Variants in OSBPL1A observed in about 807,000 individuals in gnomAD.
The protein encoded by OSBPL1A is oxysterol-binding protein-related protein 1.
A neutral mutation model predicts 137.1 loss-of-function variants in OSBPL1A; 80 were observed. That is an observed-to-expected ratio of 0.58 (90% confidence interval 0.49 to 0.70). OSBPL1A has a LOEUF of 0.70. OSBPL1A is among the 30% of genes least tolerant of loss of function. OSBPL1A has a pLI of 0.00. For synonymous variants in OSBPL1A, 365 were observed against 389.7 expected (o/e 0.94, Z 0.75); for missense variants, 970 against 1,129.4 (o/e 0.86, Z 2.02).
At chr18:24,310,854 G>A (rs1278114022) in intron 13 of OSBPL1A, among the ~76,000 whole-genome samples, 4 of 151,986 alleles carry the variant, frequency 2.6e-5, no homozygotes, top group Non-Finnish European at 5.9e-5. Flanking sequence ...ATTTAGCATC[G>A]TTTTATTTTT....
At chr18:24,215,842 T>G (rs2087681460) in intron 17 of OSBPL1A, among the ~76,000 whole-genome samples, 1 of 152,166 alleles carries the variant, frequency 6.6e-6, no homozygotes, top group South Asian at 2.1e-4. Flanking sequence ...ACTCAAAATC[T>G]TGTGTTCACG....
At chr18:24,178,343 G>C in intron 20 of OSBPL1A, 148 bp from the exon 21 acceptor site, 1 of 808,648 alleles carries the variant, frequency 1.2e-6, no homozygotes, top group Non-Finnish European at 1.8e-6. Context: ...GCTCAGGCTG[G>C]AGCAGTGGCG....
rs534707278 is a variant in OSBPL1A at position 24,245,848 on chromosome 18, G to T, written c.1282-6466C>A. ...CATCACTGCCTTTTCAAATGCAATT[G>T]ATTTCCCTATGCTCCTGAAACCTTT... is the stretch of plus-strand genomic sequence containing the variant. On this transcript the variant is annotated intron_variant, in intron 15 of 27. Transcript: ENST00000319481. Among the ~76,000 whole-genome samples the T allele has an allele frequency of 3.2e-4, 49 of 152,218 alleles. No individual in the cohort carries two copies. In the East Asian group the frequency reaches 7.7e-3, roughly 24 times the overall value.
intron 15 of OSBPL1A, among the ~76,000 whole-genome samples, chr18:24,239,770 T>A (rs905070450): frequency 8.5e-5 from 13 of 152,186 alleles, no homozygotes; most frequent in African/African-American, 1.2e-4. Context: ...ACAAAAATTT[T>A]AAAAAAATTC....
At chr18:24,267,550 T>C (rs1391111339) in intron 15 of OSBPL1A, among the ~76,000 whole-genome samples, 3 of 152,054 alleles carry the variant, frequency 2.0e-5, no homozygotes, top group Non-Finnish European at 4.4e-5. Context: ...GGAAACCAAA[T>C]TGAGAACAAT....
At chr18:24,348,117 T>A (rs2146166822) in intron 4 of OSBPL1A, among the ~76,000 whole-genome samples, 1 of 152,202 alleles carries the variant, frequency 6.6e-6, no homozygotes, top group Middle Eastern at 3.4e-3. Context: ...GAAATACAAC[T>A]CCCTAGACTT....
intron 14 of OSBPL1A, among the ~76,000 whole-genome samples, chr18:24,298,701 G>A (rs1021202795): frequency 6.6e-6 from 1 of 152,198 alleles, no homozygotes; most frequent in Non-Finnish European, 1.5e-5. Context: ...TCTGGATTGG[G>A]ACCCCTTTCC....
intron 17 of OSBPL1A, among the ~76,000 whole-genome samples, chr18:24,202,597 T>TACATACGTTATTATC (rs1305802478): frequency 6.6e-6 from 1 of 152,256 alleles, no homozygotes; most frequent in East Asian, 1.9e-4. Context: ...CTGGGAAGGC[T>TACATACGTTATTATC]ACATATGTTA....
rs201938859 is a variant in OSBPL1A at position 24,183,431 on chromosome 18, TTTTC to T, written c.1678-2156_1678-2153del. On this transcript the variant is annotated intron_variant, in intron 18 of 27. Transcript: ENST00000319481. ...CACACAGAGAGATTTTTCTTTTTCT[TTTTC>T]TTTTTTTTTTTTTTGAGGCGGAGTT... 2.5e-3 allele frequency among the ~76,000 whole-genome samples: 383 copies of T among 150,954 alleles called. 1 individual carries two copies. The highest frequency in any genetic ancestry group is 9.1e-3 in the African/African-American group (369 of 40,680).
intron 16 of OSBPL1A, among the ~76,000 whole-genome samples, chr18:24,230,568 G>T (rs2088239827): frequency 6.6e-6 from 1 of 152,068 alleles, no homozygotes; most frequent in South Asian, 2.1e-4. Flanking sequence ...CAGGAAAACT[G>T]GTTGATTTTT....
Position 24,166,643 on chromosome 18 carries a change from A to T in OSBPL1A, c.2595T>A (p.Ser865Arg), listed in dbSNP as rs757156720. The T allele has an allele frequency of 1.5e-5, 24 of 1,613,350 alleles. No individual in the cohort carries two copies. Among genetic ancestry groups the T allele is most frequent in the African/African-American group, 2.7e-5 (2 of 74,824 alleles). Residue 865 changes from serine to arginine, a missense_variant, in exon 26 of 28, where the codon AGT becomes AGA. Coordinates refer to ENST00000319481, the MANE Select transcript of OSBPL1A (RefSeq NM_080597.4). ...VLNEVDKDME[S>R]VIPKTDCRLR... Reference sequence around the variant, plus strand: ...ACCTGCAGTCTGTCTTGGGAATCACACTCTCCATGTCTTTGTCTACTTCAT... The same window carrying T: ...ACCTGCAGTCTGTCTTGGGAATCACTCTCTCCATGTCTTTGTCTACTTCAT...
intron 17 of OSBPL1A, among the ~76,000 whole-genome samples, chr18:24,205,551 G>A (rs2087343866): frequency 1.3e-5 from 2 of 152,108 alleles, no homozygotes; most frequent in Non-Finnish European, 2.9e-5. Context: ...ATGGAAATTG[G>A]TCAGTGATAT....
At chr18:24,281,374 G>A (rs1467376043) in intron 14 of OSBPL1A, among the ~76,000 whole-genome samples, 11 of 149,210 alleles carry the variant, frequency 7.4e-5, no homozygotes, top group Non-Finnish European at 1.5e-4. Context: ...GTGAGTCACC[G>A]CGCCCGGCTT....
Position 24,181,261 on chromosome 18 carries a change from T to C in OSBPL1A, c.1696A>G (p.Met566Val). 1 of 1,614,152 alleles carries C rather than the reference T, an allele frequency of 6.2e-7. No homozygotes were observed. The highest frequency in any genetic ancestry group is 8.5e-7 in the Non-Finnish European group (1 of 1,180,018). Residue 566 changes from methionine to valine, a missense_variant, in exon 19 of 28, where the codon ATG (methionine) becomes GTG (valine). Met to Val is a conservative substitution (Grantham distance 21). Around this residue, in one of 2 missense-constraint regions of OSBPL1A, gnomAD observed 647 missense variants for 672.6 expected, o/e 0.96. Coordinates refer to ENST00000319481, the MANE Select transcript of OSBPL1A (RefSeq NM_080597.4). ...CIGMELSKIT[M>V]PVIFNEPLSF... ...AGAGGCTCATTAAATATAACTGGCA[T>C]CGTGATCTTGGATAGTTCCTATTTA...
intron 14 of OSBPL1A, among the ~76,000 whole-genome samples, chr18:24,284,748 A>G (rs1369287959): frequency 6.6e-6 from 1 of 152,104 alleles, no homozygotes; most frequent in African/African-American, 2.4e-5. Flanking sequence ...TCTTCAAAAT[A>G]TTGGTGAATA....
At chr18:24,215,142 T>C (rs1384924255) in intron 17 of OSBPL1A, among the ~76,000 whole-genome samples, 1 of 152,224 alleles carries the variant, frequency 6.6e-6, no homozygotes, top group Non-Finnish European at 1.5e-5. Flanking sequence ...TCCTTTTGGA[T>C]TGCTCTGAGC....
intron 4 of OSBPL1A, among the ~76,000 whole-genome samples, chr18:24,351,869 C>T (rs1227322598): frequency 1.3e-5 from 2 of 152,070 alleles, no homozygotes; most frequent in Non-Finnish European, 2.9e-5. Context: ...AAAAATAAGG[C>T]GTTATACCAA....
At chr18:24,396,393 A>C (rs1487829418) in intron 1 of OSBPL1A, among the ~76,000 whole-genome samples, 3 of 152,290 alleles carry the variant, frequency 2.0e-5, no homozygotes, top group African/African-American at 7.2e-5. Context: ...TTTCATAAAC[A>C]ACCTTCACAA....
At chr18:24,319,785 C>T (rs1441864504) in intron 7 of OSBPL1A, among the ~76,000 whole-genome samples, 2 of 152,182 alleles carry the variant, frequency 1.3e-5, no homozygotes, top group East Asian at 3.9e-4. Context: ...TAGAACAGTC[C>T]TTTCAAAACA....
Sources: allele counts gnomAD v4.1 joint callset (sites outside exome capture counted in the v4.1 genomes callset), GRCh38; gene constraint gnomAD v4.1.1; regional missense constraint gnomAD v4.1.1; transcripts MANE v1.5; gene names NCBI Gene and HGNC (gene_info 2026-07-23, HGNC 2026-07-21).